The following NAALADL2 variants were observed in gnomAD, a reference collection of about 807,000 sequenced individuals.
The protein encoded by NAALADL2 is inactive N-acetylated-alpha-linked acidic dipeptidase-like protein 2.
Under a neutral mutation model 87.2 loss-of-function variants are expected in NAALADL2, and 76 were observed. The observed-to-expected ratio is 0.87, with a 90% CI of 0.72 to 1.05. The LOEUF (loss-of-function observed/expected upper bound fraction) is 1.05, where lower values mean the gene tolerates loss of function less well. Ranked by LOEUF, NAALADL2 falls within the 50% of genes least tolerant of loss-of-function variation. The probability of loss-of-function intolerance (pLI) is 0.00; values close to 1 mark genes in which losing one functional copy is unlikely to be tolerated. For synonymous variants in NAALADL2, 354 were observed against 331.0 expected, an observed-to-expected ratio of 1.07 and a Z score of -0.75; for missense variants, 1,089 against 945.8, an observed-to-expected ratio of 1.15 and a Z score of -1.99.
At chr3:175,718,889 C>A (rs1408560423) in intron 11 of NAALADL2, among the ~76,000 whole-genome samples, 2 of 151,976 alleles carry the variant, frequency 1.3e-5, no homozygotes, top group African/African-American at 4.8e-5. Context: ...AACACCACCA[C>A]CACCAACAAC....
At chr3:174,880,780 C>T (rs2109697254) in intron 1 of NAALADL2, among the ~76,000 whole-genome samples, 1 of 152,216 alleles carries the variant, frequency 6.6e-6, no homozygotes, top group African/African-American at 2.4e-5. Flanking sequence ...AAATTGAGGG[C>T]CTTAAAACAA....
intron 3 of NAALADL2, among the ~76,000 whole-genome samples, chr3:174,834,094 G>T (rs1442708941): frequency 6.8e-6 from 1 of 148,126 alleles, no homozygotes; most frequent in Admixed American, 6.7e-5. Flanking sequence ...AGTTTGAAAA[G>T]AAGCAAACTG....
intron 1 of NAALADL2, among the ~76,000 whole-genome samples, chr3:174,984,106 A>T (rs1188737554): frequency 6.7e-6 from 1 of 148,816 alleles, no homozygotes; most frequent in Non-Finnish European, 1.5e-5. Flanking sequence ...AGCGCTTGAG[A>T]TGTTTTAAAA....
intron 5 of NAALADL2, among the ~76,000 whole-genome samples, chr3:175,337,349 T>C (rs1762095040): frequency 1.3e-5 from 2 of 152,162 alleles, no homozygotes; most frequent in African/African-American, 2.4e-5. Context: ...TTGGCTGAGT[T>C]ATCTTTTCAA....
intron 1 of NAALADL2, among the ~76,000 whole-genome samples, chr3:175,056,440 C>A (rs1384635332): frequency 3.3e-5 from 5 of 152,116 alleles, no homozygotes; most frequent in African/African-American, 1.2e-4. Flanking sequence ...CTTAGTTTTC[C>A]ACATTCTCCA....
intron 2 of NAALADL2, among the ~76,000 whole-genome samples, chr3:174,630,734 G>T (rs985833118): frequency 3.9e-5 from 6 of 152,114 alleles, no homozygotes; most frequent in African/African-American, 1.4e-4. Context: ...AAAGATGGAG[G>T]TGAATTACAA....
chr3:175,075,852 A>G (rs1226092949), intron 1 of NAALADL2, among the ~76,000 whole-genome samples: 1 of 152,180 alleles, frequency 6.6e-6, no homozygotes, highest in East Asian at 1.9e-4. Flanking sequence ...AAATAGAAAA[A>G]AAGTCTAAAA....
At chr3:174,655,862 C>A (rs1267421061) in intron 2 of NAALADL2, among the ~76,000 whole-genome samples, 1 of 152,040 alleles carries the variant, frequency 6.6e-6, no homozygotes, top group South Asian at 2.1e-4. Context: ...TTAACATCTC[C>A]AAAATCAGAA....
intron 2 of NAALADL2, among the ~76,000 whole-genome samples, chr3:174,591,176 A>G (rs150750716): frequency 4.6e-5 from 7 of 152,304 alleles, no homozygotes; most frequent in Non-Finnish European, 8.8e-5. Context: ...GAGATGGACA[A>G]ATCTCCATAA....
rs143822558 is a variant in NAALADL2 at position 175,541,385 on chromosome 3, C to T, written c.1654-34656C>T. Among the ~76,000 whole-genome samples the T allele has an allele frequency of 3.9e-3, 596 of 152,298 alleles. 6 individuals carry two copies. The highest frequency in any genetic ancestry group is 4.3e-3 in the Non-Finnish European group (293 of 68,024). ...TAACCTTTCAAACATCATAGCTTAA[C>T]CTAGCCTACCTTAAAGGTGCTCAAA... On this transcript the variant is annotated intron_variant, in intron 9 of 13. Coordinates refer to ENST00000454872, the MANE Select transcript of NAALADL2 (RefSeq NM_207015.3).
intron 13 of NAALADL2, among the ~76,000 whole-genome samples, chr3:175,795,074 G>T (rs1753294759): frequency 1.3e-5 from 2 of 152,142 alleles, no homozygotes; most frequent in Non-Finnish European, 2.9e-5. Flanking sequence ...CTACCCTCAT[G>T]ACCGTATCCA....
intron 1 of NAALADL2, among the ~76,000 whole-genome samples, chr3:174,994,746 G>C (rs571618429): frequency 6.6e-6 from 1 of 152,124 alleles, no homozygotes; most frequent in Non-Finnish European, 1.5e-5. Context: ...ACTAATCTTA[G>C]TCTATTTCCG....
At chr3:175,175,185 T>C (rs568011415) in intron 2 of NAALADL2, among the ~76,000 whole-genome samples, 2 of 152,162 alleles carry the variant, frequency 1.3e-5, no homozygotes, top group Non-Finnish European at 2.9e-5. Context: ...ATTACCCTTT[T>C]TCCAAGAAAG....
At chr3:175,370,380 T>G (rs1242416871) in intron 5 of NAALADL2, among the ~76,000 whole-genome samples, 1 of 152,148 alleles carries the variant, frequency 6.6e-6, no homozygotes, top group Non-Finnish European at 1.5e-5. Flanking sequence ...TAAAATATAT[T>G]TGTGAACCAT....
chr3:174,733,455 A>G (rs930608791), intron 2 of NAALADL2, among the ~76,000 whole-genome samples: 7 of 152,268 alleles, frequency 4.6e-5, no homozygotes, highest in Non-Finnish European at 1.0e-4. Flanking sequence ...ATTTTTAATC[A>G]CATGCATGGA....
chr3:175,363,146 G>T (rs1446411211), intron 5 of NAALADL2, among the ~76,000 whole-genome samples: 1 of 147,226 alleles, frequency 6.8e-6, no homozygotes, highest in Non-Finnish European at 1.5e-5. Flanking sequence ...TTTCTATTTA[G>T]TTGTGATATC....
intron 2 of NAALADL2, among the ~76,000 whole-genome samples, chr3:174,702,433 G>A (rs1252803722): frequency 3.9e-5 from 6 of 152,248 alleles, no homozygotes; most frequent in South Asian, 4.2e-4. Flanking sequence ...ATTGAAGAGT[G>A]AGACTCTGTA....
chr3:175,253,639 A>T (rs2109799219), intron 3 of NAALADL2, among the ~76,000 whole-genome samples: 1 of 152,294 alleles, frequency 6.6e-6, no homozygotes, highest in Admixed American at 6.5e-5. Flanking sequence ...CCACTGATAA[A>T]TCTGAGAAAG....
intron 2 of NAALADL2, among the ~76,000 whole-genome samples, chr3:175,224,445 A>T (rs1743862851): frequency 6.6e-6 from 1 of 152,162 alleles, no homozygotes; most frequent in African/African-American, 2.4e-5. Context: ...AAGGGTTAGA[A>T]TGTGTTAATA....
Sources: gnomAD v4.1 joint callset for allele counts (sites outside exome capture counted in the v4.1 genomes callset) on GRCh38, gnomAD v4.1.1 for gene constraint, MANE v1.5 for transcripts, NCBI Gene and HGNC (gene_info 2026-07-23, HGNC 2026-07-21) for gene names.